PARD3: variants seen among roughly 807,000 people sequenced by gnomAD.
The protein encoded by PARD3 is par-3 family cell polarity regulator, also known as partitioning defective 3 homolog.
PARD3 carries 75 observed loss-of-function variants against 155.4 expected under a neutral mutation model. The ratio of observed to expected loss-of-function variants is 0.48; its 90% confidence interval spans 0.40 to 0.58. The LOEUF is 0.58. PARD3 is among the 20% of genes least tolerant of loss of function. The pLI is 0.00. For synonymous variants in PARD3, 576 were observed against 610.5 expected (o/e 0.94, Z 0.83); for missense variants, 1,642 against 1,721.7 (o/e 0.95, Z 0.82).
At chr10:34,338,776 G>A (rs548232950) in intron 16 of PARD3, among the ~76,000 whole-genome samples, 2 of 152,304 alleles carry the variant, frequency 1.3e-5, no homozygotes, top group South Asian at 4.1e-4. Flanking sequence ...AGGGTGACTT[G>A]AAATGTTTTG....
intron 2 of PARD3, among the ~76,000 whole-genome samples, chr10:34,518,930 T>C (rs1229975766): frequency 1.3e-5 from 2 of 152,230 alleles, no homozygotes; most frequent in African/African-American, 4.8e-5. Context: ...GTTAACGTCA[T>C]TCATAGTAAG....
At chr10:34,145,219 ATATTTTTTT>A (rs1467881812) in intron 22 of PARD3, among the ~76,000 whole-genome samples, 14 of 53,536 alleles carry the variant, frequency 2.6e-4, no homozygotes, top group African/African-American at 1.4e-3. Flanking sequence ...ATATATATAT[ATATTTTTTT>A]TTTTTTTTTT....
intron 1 of PARD3, among the ~76,000 whole-genome samples, chr10:34,800,788 G>GCC (rs1358057963): frequency 6.6e-6 from 1 of 151,482 alleles, no homozygotes. Flanking sequence ...AAACTAATAG[G>GCC]CAGATAAATA....
In PARD3 at chr10:34,131,454, ATTAC is replaced by A; in HGVS notation, c.3540+5_3540+8del. 1 of 1,613,972 alleles carries A rather than the reference ATTAC, an allele frequency of 6.2e-7. No homozygotes were observed. The highest frequency in any genetic ancestry group is 1.1e-5 in the South Asian group (1 of 91,074). ...GACCATTCACCGTGCTGAAGAACCAATTACTTACCCAGGGTTGCTCAAAACTATA... is the reference window on the plus strand; with the variant it reads ...GACCATTCACCGTGCTGAAGAACCAATTACCCAGGGTTGCTCAAAACTATA... On this transcript the variant is annotated splice_donor_5th_base_variant and intron_variant, in intron 23 of 24. Transcript: ENST00000374788.
chr10:34,336,287 A>G, intron 17 of PARD3, 44 bp from the exon 18 acceptor site: 3 of 1,423,264 alleles, frequency 2.1e-6, no homozygotes, highest in Non-Finnish European at 3.0e-6. Flanking sequence ...GTTAGTTCCC[A>G]TAGCCCACCA....
chr10:34,788,664 G>C (rs1396703149), intron 1 of PARD3, among the ~76,000 whole-genome samples: 1 of 152,144 alleles, frequency 6.6e-6, no homozygotes, highest in Non-Finnish European at 1.5e-5. Flanking sequence ...TGGCCAGGAC[G>C]GTCTCGATCT....
intron 22 of PARD3, among the ~76,000 whole-genome samples, chr10:34,161,509 A>C (rs1262322935): frequency 6.6e-6 from 1 of 152,030 alleles, no homozygotes; most frequent in Admixed American, 6.5e-5. Context: ...CCCCTGCATA[A>C]CCAAACTGGC....
intron 18 of PARD3, among the ~76,000 whole-genome samples, chr10:34,331,708 G>A (rs941638069): frequency 1.2e-4 from 18 of 152,024 alleles, no homozygotes; most frequent in African/African-American, 4.1e-4. Flanking sequence ...ATGAGGAGAA[G>A]GCTAAGGTCA....
intron 14 of PARD3, among the ~76,000 whole-genome samples, chr10:34,355,958 C>CAAAACA (rs1491326864): frequency 1.1e-4 from 13 of 116,220 alleles, no homozygotes; most frequent in African/African-American, 5.5e-4. Context: ...AAAACAAAAC[C>CAAAACA]AAACAAAAAA....
At chr10:34,522,198 G>A (rs923755390) in intron 2 of PARD3, among the ~76,000 whole-genome samples, 3 of 152,140 alleles carry the variant, frequency 2.0e-5, no homozygotes, top group South Asian at 2.1e-4. Flanking sequence ...GCCTGGCTGC[G>A]GCCAGAGAGA....
At chr10:34,603,645 C>T (rs2089978154) in intron 2 of PARD3, among the ~76,000 whole-genome samples, 1 of 152,096 alleles carries the variant, frequency 6.6e-6, no homozygotes, top group Non-Finnish European at 1.5e-5. Flanking sequence ...ATCTTTAGAA[C>T]CAGAGGCAAG....
chr10:34,426,182 ACATG>A (rs2075594716), intron 5 of PARD3, among the ~76,000 whole-genome samples: 1 of 152,228 alleles, frequency 6.6e-6, no homozygotes, highest in Non-Finnish European at 1.5e-5. Context: ...TAGGTAGGTA[ACATG>A]CAAACAGTTT....
At chr10:34,527,461 AT>A (rs1238095205) in intron 2 of PARD3, among the ~76,000 whole-genome samples, 19 of 152,340 alleles carry the variant, frequency 1.2e-4, no homozygotes, top group African/African-American at 4.6e-4. Context: ...GAAGAAAGGA[AT>A]TCAGATGATT....
At chr10:34,305,275 G>A (rs1202814461) in intron 20 of PARD3, among the ~76,000 whole-genome samples, 1 of 152,222 alleles carries the variant, frequency 6.6e-6, no homozygotes, top group South Asian at 2.1e-4. Context: ...GGTATGGGCT[G>A]GGCCCTGGTG....
intron 2 of PARD3, among the ~76,000 whole-genome samples, chr10:34,571,174 T>C (rs971260442): frequency 6.6e-6 from 1 of 151,726 alleles, no homozygotes; most frequent in African/African-American, 2.4e-5. Flanking sequence ...TAGCTGGGGG[T>C]AGTAGTGCAC....
chr10:34,344,924 C>A (rs1476377762), intron 15 of PARD3: 1 of 985,328 alleles, frequency 1.0e-6, no homozygotes, highest in Non-Finnish European at 1.2e-6. Context: ...TCCATAACTC[C>A]CCGACATATA....
At chr10:34,806,468 C>T (rs11009947) in intron 1 of PARD3, among the ~76,000 whole-genome samples, 52,214 of 151,988 alleles carry the variant, frequency 0.34, 11,185 homozygotes, top group Non-Finnish European at 0.48. Context: ...GGATTACAGG[C>T]GTGAGCCACC....
At chr10:34,395,603 C>T (rs1376056910) in intron 7 of PARD3, among the ~76,000 whole-genome samples, 9 of 29,382 alleles carry the variant, frequency 3.1e-4, no homozygotes, top group East Asian at 6.2e-4. Context: ...TTTGGGAGGC[C>T]GAGGCGGGTG....
chr10:34,624,363 T>TA (rs1048845376), intron 2 of PARD3, among the ~76,000 whole-genome samples: 97 of 151,924 alleles, frequency 6.4e-4, no homozygotes, highest in Non-Finnish European at 7.4e-4. Context: ...GAAAACTAGG[T>TA]AAAAAAAACC....
Sources: gnomAD v4.1 joint callset for allele counts (sites outside exome capture counted in the v4.1 genomes callset) on GRCh38, gnomAD v4.1.1 for gene constraint, MANE v1.5 for transcripts, NCBI Gene and HGNC (gene_info 2026-07-23, HGNC 2026-07-21) for gene names.